The following TEX35 variants were observed in gnomAD, a reference collection of about 807,000 sequenced individuals.
The protein encoded by TEX35 is testis-expressed protein 35.
TEX35 carries 26 observed loss-of-function variants against 31.9 expected under a neutral mutation model. That is an observed-to-expected ratio of 0.81 (90% CI 0.60 to 1.13). The LOEUF is 1.13. TEX35 is among the 50% of genes most tolerant of loss of function. The pLI, the probability that TEX35 is intolerant of heterozygous loss-of-function variation, is 0.00. For synonymous variants in TEX35, 87 were observed against 90.7 expected, an observed-to-expected ratio of 0.96 and a Z score of 0.23; for missense variants, 278 against 273.5, an observed-to-expected ratio of 1.02 and a Z score of -0.12.
At chr1:178,522,809 T>C (rs1650332855), downstream of TEX35, among the ~76,000 whole-genome samples, 1 of 152,232 alleles carries the variant, frequency 6.6e-6, no homozygotes, top group African/African-American at 2.4e-5. Context: ...TATCTTTGAG[T>C]TGCAAACAAT....
chr1:178,519,546 A>G (rs1474301589), intron 5 of TEX35, among the ~76,000 whole-genome samples: 3 of 152,224 alleles, frequency 2.0e-5, no homozygotes, highest in African/African-American at 7.2e-5. Flanking sequence ...TTGTACTAAC[A>G]TTTAAAAATG....
chr1:178,516,225 A>G (rs1650069823), intron 4 of TEX35, among the ~76,000 whole-genome samples: 1 of 152,258 alleles, frequency 6.6e-6, no homozygotes, highest in African/African-American at 2.4e-5. Flanking sequence ...GACCAACCCC[A>G]TCTTCCTTAT....
At chr1:178,521,616 T>C in intron 8 of TEX35, 4 of 1,552,180 alleles carry the variant, frequency 2.6e-6, no homozygotes. Flanking sequence ...TGGAGCTGCC[T>C]TCTGATTTAT....
rs1436758605 is a variant in TEX35 at position 178,513,122 on chromosome 1, C to G, written c.-67C>G. The G allele has an allele frequency of 6.4e-7, 1 of 1,562,050 alleles. No individual in the cohort carries two copies. Among genetic ancestry groups the G allele is most frequent in the East Asian group, 2.2e-5 (1 of 44,576 alleles). ...TGCCCTCACCTTGACCTGTAAGTTG[C>G]CTAGGACAGTGGCCTGGTCCCAGGG... On this transcript the variant is annotated 5_prime_UTR_variant, in exon 1 of 9. Coordinates refer to ENST00000319416, the MANE Select transcript of TEX35 (RefSeq NM_032126.5).
intron 5 of TEX35, among the ~76,000 whole-genome samples, chr1:178,518,916 T>C (rs1000231806): frequency 2.0e-5 from 3 of 151,662 alleles, no homozygotes; most frequent in Non-Finnish European, 2.9e-5. Context: ...GGATCAGTCA[T>C]GAAGTGGGAC....
At chr1:178,521,610 G>C (rs951369432) in intron 8 of TEX35, 2 of 1,551,588 alleles carry the variant, frequency 1.3e-6, no homozygotes, top group African/African-American at 2.7e-5. Context: ...GGCTTCTGGA[G>C]CTGCCTTCTG....
chr1:178,514,825 T>C, intron 3 of TEX35, 57 bp downstream of exon 3: 1 of 1,465,296 alleles, frequency 6.8e-7, no homozygotes, highest in Non-Finnish European at 9.5e-7. Context: ...GTGTAAGTTT[T>C]CCCCAAATCC....
intron 8 of TEX35, chr1:178,521,498 G>T: frequency 9.2e-7 from 1 of 1,091,392 alleles, no homozygotes; most frequent in Non-Finnish European, 1.4e-6. Context: ...TGGTGGGGAG[G>T]GTGCACCACT....
At chr1:178,521,698 C>T in intron 8 of TEX35, 1 of 1,551,920 alleles carries the variant, frequency 6.4e-7, no homozygotes, top group Non-Finnish European at 8.7e-7. Flanking sequence ...ACCAGCAGTT[C>T]CGATTCATCA....
chr1:178,516,443 C>A, intron 4 of TEX35, 172 bp from the exon 5 acceptor site: 1 of 580,224 alleles, frequency 1.7e-6, no homozygotes, highest in East Asian at 2.9e-5. Context: ...ATGGTGCTTG[C>A]ACCCTAGTCC....
chr1:178,523,390 G>C, downstream of TEX35: 1 of 600,386 alleles, frequency 1.7e-6, no homozygotes, highest in Non-Finnish European at 3.0e-6. Flanking sequence ...CTCCATAGTG[G>C]CTGTACTAAT....
chr1:178,522,160 C>A (rs946731372), intron 8 of TEX35, 165 bp from the exon 9 acceptor site: 10 of 951,566 alleles, frequency 1.1e-5, no homozygotes, highest in Admixed American at 5.9e-5. Flanking sequence ...ATGCAGGGAA[C>A]CCCTCAGCCT....
intron 5 of TEX35, among the ~76,000 whole-genome samples, chr1:178,518,355 A>G (rs889916927): frequency 6.6e-6 from 1 of 152,198 alleles, no homozygotes; most frequent in African/African-American, 2.4e-5. Context: ...TTCACTTCTT[A>G]GAATTTAACC....
Position 178,514,278 on chromosome 1 carries a change from G to A in TEX35, c.90+201G>A, listed in dbSNP as rs76640951. 530 of 1,479,064 alleles carry A rather than the reference G, an allele frequency of 3.6e-4. 3 individuals are homozygous for A. The African/African-American group carries it at 6.8e-3, about 19-fold the overall frequency. The allele number at this position is 1,479,064 out of a possible 1,614,324, so 91.6% of individuals were successfully genotyped here. A position where few individuals can be genotyped will look rare whatever the true frequency, so the allele number is the denominator to read the frequency against. On this transcript the variant is annotated intron_variant, in intron 2 of 8. Transcript: ENST00000319416. ...AACGAACAAGGACTCATTCAGCAGT[G>A]TTACCTGCTCTGCTGGGAATCAAGA...
In TEX35 at chr1:178,513,242, T is replaced by C. The variant is rs775220526; in HGVS notation, c.39+15T>C. The C allele has an allele frequency of 6.8e-6, 11 of 1,614,148 alleles. No individual in the cohort carries two copies. The highest frequency in any genetic ancestry group is 3.3e-5 in the Admixed American group (2 of 60,016). ...AAACACATCTGGTAAAAGAGAGACA[T>C]TGCTGGACAGTGTGGGTCCTCTCTG... is the stretch of plus-strand genomic sequence containing the variant. On this transcript the variant is annotated intron_variant, in intron 1 of 8. Coordinates refer to ENST00000319416, the MANE Select transcript of TEX35 (RefSeq NM_032126.5).
downstream of TEX35, chr1:178,522,701 G>A: frequency 3.5e-6 from 4 of 1,137,096 alleles, no homozygotes; most frequent in Non-Finnish European, 4.3e-6. Flanking sequence ...TTCATAGTAG[G>A]TGTATATATT....
At chr1:178,519,821 T>C (rs944113927) in intron 5 of TEX35, among the ~76,000 whole-genome samples, 7 of 152,368 alleles carry the variant, frequency 4.6e-5, no homozygotes, top group African/African-American at 1.7e-4. Context: ...GGTCACATTT[T>C]ATAGATCAAA....
At chr1:178,521,620 G>T in intron 8 of TEX35, 2 of 1,552,278 alleles carry the variant, frequency 1.3e-6, no homozygotes, top group East Asian at 4.9e-5. Context: ...GCTGCCTTCT[G>T]ATTTATCTGT....
intron 5 of TEX35, among the ~76,000 whole-genome samples, chr1:178,519,829 A>C (rs1045749548): frequency 6.6e-6 from 1 of 152,244 alleles, no homozygotes; most frequent in African/African-American, 2.4e-5. Flanking sequence ...TTTATAGATC[A>C]AAACTTTGTC....
Sources: gnomAD v4.1 joint callset for allele counts (sites outside exome capture counted in the v4.1 genomes callset) on GRCh38, gnomAD v4.1.1 for gene constraint, MANE v1.5 for transcripts, NCBI Gene and HGNC (gene_info 2026-07-23, HGNC 2026-07-21) for gene names.